Variants in PDZRN4 observed in about 807,000 individuals in gnomAD.
PDZRN4 encodes PDZ domain containing ring finger 4.
A neutral mutation model predicts 99.0 loss-of-function variants in PDZRN4; 70 were observed. The ratio of observed to expected loss-of-function variants is 0.71; its 90% CI spans 0.58 to 0.86. The LOEUF (loss-of-function observed/expected upper bound fraction) is 0.86. Ranked by LOEUF, PDZRN4 falls within the 40% of genes least tolerant of loss-of-function variation. PDZRN4 has a pLI of 0.00. For synonymous variants in PDZRN4, 551 were observed against 501.6 expected, an observed-to-expected ratio of 1.10 and a Z score of -1.32; for missense variants, 1,474 against 1,331.2, an observed-to-expected ratio of 1.11 and a Z score of -1.67.
chr12:41,343,941 T>G (rs1455890008), intron 3 of PDZRN4, among the ~76,000 whole-genome samples: 3 of 152,202 alleles, frequency 2.0e-5, no homozygotes, highest in Admixed American at 6.5e-5. Flanking sequence ...TCTGGCAGTC[T>G]TATGGTATAT....
chr12:41,499,733 C>G (rs970287549), intron 3 of PDZRN4, among the ~76,000 whole-genome samples: 4 of 151,904 alleles, frequency 2.6e-5, no homozygotes, highest in Non-Finnish European at 5.9e-5. Flanking sequence ...CCTCTTCATA[C>G]GAAAAATTAA....
chr12:41,205,176 A>C (rs189537684), intron 3 of PDZRN4, among the ~76,000 whole-genome samples: 2 of 152,056 alleles, frequency 1.3e-5, no homozygotes, highest in Non-Finnish European at 2.9e-5. Context: ...AAGTTAACAT[A>C]AATGATTCTA....
intron 3 of PDZRN4, among the ~76,000 whole-genome samples, chr12:41,461,281 G>A (rs1260695648): frequency 6.6e-6 from 1 of 151,780 alleles, no homozygotes; most frequent in Non-Finnish European, 1.5e-5. Context: ...CGTGCATCAT[G>A]GGGGTTTGTC....
chr12:41,342,258 C>A (rs183217825), intron 3 of PDZRN4, among the ~76,000 whole-genome samples: 1 of 151,762 alleles, frequency 6.6e-6, no homozygotes, highest in African/African-American at 2.4e-5. Context: ...TATAAAATAG[C>A]ATAAGGGAAA....
At chr12:41,495,793 G>A (rs181849133) in intron 3 of PDZRN4, among the ~76,000 whole-genome samples, 16 of 152,062 alleles carry the variant, frequency 1.1e-4, no homozygotes, top group Admixed American at 8.5e-4. Context: ...CAGACCTCTC[G>A]TGGTCCCCAG....
chr12:41,239,713 A>G (rs1951090686), intron 3 of PDZRN4, among the ~76,000 whole-genome samples: 1 of 152,224 alleles, frequency 6.6e-6, no homozygotes, highest in Admixed American at 6.5e-5. Flanking sequence ...AGCTTTAGAA[A>G]GTCAAATTGT....
chr12:41,490,149 A>C (rs1296949993), intron 3 of PDZRN4, among the ~76,000 whole-genome samples: 1 of 152,176 alleles, frequency 6.6e-6, no homozygotes, highest in East Asian at 1.9e-4. Flanking sequence ...TAAATATTGG[A>C]GTGATAATTA....
chr12:41,366,728 C>T (rs1952003305), intron 3 of PDZRN4, among the ~76,000 whole-genome samples: 1 of 152,018 alleles, frequency 6.6e-6, no homozygotes, highest in African/African-American at 2.4e-5. Flanking sequence ...GCAATAGATC[C>T]TCTCGGCATT....
At chr12:41,202,971 G>C (rs1488292815) in intron 3 of PDZRN4, among the ~76,000 whole-genome samples, 1 of 151,804 alleles carries the variant, frequency 6.6e-6, no homozygotes, top group African/African-American at 2.4e-5. Flanking sequence ...TTGAAGCTAA[G>C]GGAAACAATA....
At chr12:41,249,713 A>C (rs1185054972) in intron 3 of PDZRN4, among the ~76,000 whole-genome samples, 1 of 152,192 alleles carries the variant, frequency 6.6e-6, no homozygotes, top group Non-Finnish European at 1.5e-5. Flanking sequence ...TGGGGCCTGA[A>C]GTATTATGCA....
chr12:41,342,688 A>G (rs1160273945), intron 3 of PDZRN4, among the ~76,000 whole-genome samples: 1 of 152,004 alleles, frequency 6.6e-6, no homozygotes, highest in African/African-American at 2.4e-5. Context: ...AATGGCTACT[A>G]TCAAAAAGAC....
chr12:41,361,286 G>T (rs1000772335), intron 3 of PDZRN4, among the ~76,000 whole-genome samples: 9 of 151,980 alleles, frequency 5.9e-5, no homozygotes, highest in African/African-American at 2.2e-4. Flanking sequence ...TTAAAATAAA[G>T]TCATTGGAAA....
chr12:41,299,223 C>T (rs73122851), intron 3 of PDZRN4, among the ~76,000 whole-genome samples: 9,322 of 152,054 alleles, frequency 0.061, 826 homozygotes, highest in African/African-American at 0.2. Flanking sequence ...CAGTCAAAAA[C>T]TTTCTCTGAA....
chr12:41,390,039 T>C (rs967297235), intron 3 of PDZRN4, among the ~76,000 whole-genome samples: 1 of 152,134 alleles, frequency 6.6e-6, no homozygotes, highest in Non-Finnish European at 1.5e-5. Context: ...ATTCAACAAT[T>C]GGCATGTCAG....
At chr12:41,502,446 T>A (rs185429786) in intron 3 of PDZRN4, among the ~76,000 whole-genome samples, 1 of 152,264 alleles carries the variant, frequency 6.6e-6, no homozygotes, top group East Asian at 1.9e-4. Flanking sequence ...TTAAAATCCT[T>A]CTGCATGCAA....
At chr12:41,352,240 C>T (rs1191641634) in intron 3 of PDZRN4, among the ~76,000 whole-genome samples, 3 of 151,908 alleles carry the variant, frequency 2.0e-5, no homozygotes, top group Admixed American at 6.6e-5. Flanking sequence ...ATGGGCTACA[C>T]TTTTAAGAAG....
chr12:41,357,109 C>G (rs540023260), intron 3 of PDZRN4, among the ~76,000 whole-genome samples: 4 of 151,912 alleles, frequency 2.6e-5, no homozygotes, highest in African/African-American at 7.2e-5. Context: ...GCTCCAAAAT[C>G]TAGAAAGATT....
chr12:41,485,214 G>A (rs1003072736), intron 3 of PDZRN4, among the ~76,000 whole-genome samples: 1 of 152,138 alleles, frequency 6.6e-6, no homozygotes, highest in African/African-American at 2.4e-5. Flanking sequence ...GGAAAGGGAG[G>A]ACTTTCAGGC....
rs907753125 is a variant in PDZRN4 at position 41,550,319 on chromosome 12, G to T, written c.1204-2337G>T. Reference sequence around the variant, plus strand: ...GCTCCTCATTTGTATTGATTTAAAGGTCCCAATCTCAGCTCGTTTTGGAGT... The same window carrying T: ...GCTCCTCATTTGTATTGATTTAAAGTTCCCAATCTCAGCTCGTTTTGGAGT... On this transcript the variant is annotated intron_variant, in intron 5 of 9. Coordinates refer to ENST00000402685, the MANE Select transcript of PDZRN4 (RefSeq NM_001164595.2). Among the ~76,000 whole-genome samples, 8 of 152,064 alleles carry T rather than the reference G, an allele frequency of 5.3e-5. 1 individual carries two copies. The highest frequency in any genetic ancestry group is 1.2e-4 in the Non-Finnish European group (8 of 68,014).
Sources: gnomAD v4.1 joint callset for allele counts (sites outside exome capture counted in the v4.1 genomes callset) on GRCh38, gnomAD v4.1.1 for gene constraint, MANE v1.5 for transcripts, NCBI Gene and HGNC (gene_info 2026-07-23, HGNC 2026-07-21) for gene names.